LRRC71: variants seen among roughly 807,000 people sequenced by gnomAD.
LRRC71 encodes the protein leucine rich repeat containing 71, also known as leucine-rich repeat-containing protein 71.
In LRRC71, 54 loss-of-function variants were observed where a neutral mutation model predicts 66.6. The ratio of observed to expected loss-of-function variants is 0.81; its 90% CI spans 0.65 to 1.02. The LOEUF (loss-of-function observed/expected upper bound fraction) is 1.02, where lower values mean the gene tolerates loss of function less well. Among genes scored for constraint, LRRC71 ranks in the 50% least tolerant of loss-of-function variants. The pLI is 0.00. For missense variants in LRRC71, 724 were observed against 718.0 expected (o/e 1.01, Z -0.10); for synonymous variants, 323 against 303.9 (o/e 1.06, Z -0.65).
At chr1:156,927,455 A>C (rs758864677) in intron 6 of LRRC71, 41 bp from the exon 7 acceptor site, 10 of 1,521,490 alleles carry the variant, frequency 6.6e-6, no homozygotes, top group Non-Finnish European at 8.8e-7. Flanking sequence ...GACGCCCTGT[A>C]CCTTTTCCAG....
chr1:156,940,227 G>A, the LRRC71 span: 2 of 1,593,510 alleles, frequency 1.3e-6, no homozygotes, highest in African/African-American at 2.7e-5. Flanking sequence ...AGCGGAGTCA[G>A]CGAGCCCTTC....
At chr1:156,936,893 G>A, downstream of LRRC71, 1 of 1,614,144 alleles carries the variant, frequency 6.2e-7, no homozygotes, top group African/African-American at 1.3e-5. Flanking sequence ...AGGTGAGAGG[G>A]AGCCATCTGT....
the LRRC71 span, among the ~76,000 whole-genome samples, chr1:156,938,106 A>G: frequency 6.6e-6 from 1 of 152,076 alleles, no homozygotes; most frequent in Admixed American, 6.5e-5. Context: ...GGCTGCTTGC[A>G]TATCAGGTGA....
At chr1:156,930,835 C>G (rs776335267) in intron 12 of LRRC71, among the ~76,000 whole-genome samples, 1 of 152,226 alleles carries the variant, frequency 6.6e-6, no homozygotes, top group African/African-American at 2.4e-5. Context: ...AGAGCAGACC[C>G]CTTCTATTTT....
Position 156,932,463 on chromosome 1 carries a change from C to G in LRRC71, c.1481C>G (p.Ala494Gly), listed in dbSNP as rs370591006. The G allele has an allele frequency of 5.6e-6, 9 of 1,613,716 alleles. No individual in the cohort carries two copies. Among genetic ancestry groups the G allele is most frequent in the Non-Finnish European group, 6.8e-6 (8 of 1,179,874 alleles). ...ITEVGLEGFL[A>G]TVQYQMQFSK... ...GAGGTGGGGCTGGAGGGCTTCCTCG[C>G]CACGGTGCAGTATCAGATGCAGTTC... Residue 494 changes from alanine (A) to glycine (G), a missense_variant, in exon 14 of 15, where the codon GCC becomes GGC. By Grantham distance (60) the Ala-to-Gly change is moderately conservative. Coordinates refer to ENST00000337428, the MANE Select transcript of LRRC71 (RefSeq NM_144702.3).
Position 156,927,734 on chromosome 1 carries a change from G to A in LRRC71, c.824G>A (p.Gly275Asp). ...GDEGAGYIAD[G>D]LRLNRSLLWL... ...CACGCGTCCCTGCCCGCCTCTTAGG[G>A]CCTCCGGCTGAACCGTTCCCTGCTC... Residue 275 changes from glycine to aspartate, a missense_variant and splice_region_variant, in exon 8 of 15, where the codon GGC (glycine) becomes GAC (aspartate). Gly to Asp is a moderately conservative substitution (Grantham distance 94, BLOSUM62 -1). Coordinates refer to ENST00000337428, the MANE Select transcript of LRRC71 (RefSeq NM_144702.3). 1.2e-6 allele frequency: 2 copies of A among 1,609,022 alleles called. No homozygotes were observed. Among genetic ancestry groups the A allele is most frequent in the Middle Eastern group, 1.7e-4 (1 of 6,060 alleles).
the LRRC71 span, chr1:156,939,643 T>C: frequency 6.2e-7 from 1 of 1,613,914 alleles, no homozygotes; most frequent in Non-Finnish European, 8.5e-7. Context: ...TATCCCAGAA[T>C]TTCTGGTCCT....
intron 11 of LRRC71, 128 bp downstream of exon 11, chr1:156,929,857 C>A: frequency 2.8e-6 from 2 of 721,284 alleles, no homozygotes; most frequent in Non-Finnish European, 4.6e-6. Context: ...CCCCTCTGGG[C>A]TTGATTTCCT....
the LRRC71 span, chr1:156,939,934 C>A: frequency 6.3e-7 from 1 of 1,597,306 alleles, no homozygotes; most frequent in South Asian, 1.1e-5. Context: ...AGGGTGATGT[C>A]TTCCCAGCAT....
At chr1:156,927,704 C>T in intron 7 of LRRC71, 29 bp from the exon 8 acceptor site, 1 of 1,605,310 alleles carries the variant, frequency 6.2e-7, no homozygotes. Flanking sequence ...GCGGCTTGGG[C>T]GGCTCACGCG....
At chr1:156,925,751 G>A (rs1354220327) in intron 5 of LRRC71, among the ~76,000 whole-genome samples, 1 of 152,228 alleles carries the variant, frequency 6.6e-6, no homozygotes, top group African/African-American at 2.4e-5. Context: ...TGGCGGGGGG[G>A]TACCCCTCCA....
downstream of LRRC71, among the ~76,000 whole-genome samples, chr1:156,936,549 T>C (rs1655375555): frequency 7.7e-6 from 1 of 130,042 alleles, no homozygotes; most frequent in Non-Finnish European, 1.6e-5. Context: ...GAACAAGTCT[T>C]AGAGGTGAGA....
Position 156,931,964 on chromosome 1 carries a change from G to C in LRRC71, c.1378G>C (p.Glu460Gln), listed in dbSNP as rs760213755. ...EVVNPLLEPV[E>Q]HRDGKVFMPG... ...GGTCAACCCTCTCCTGGAGCCTGTG[G>C]AGCACCGAGATGGGAAAGTTTTCAT... The change falls in exon 13 of 15, where the codon GAG becomes CAG. Residue 460 changes from glutamate (E) to glutamine (Q), a missense_variant. Physicochemically the swap from Glu to Gln is conservative, Grantham distance 29. Coordinates refer to ENST00000337428, the MANE Select transcript of LRRC71 (RefSeq NM_144702.3). 1.9e-6 allele frequency: 3 copies of C among 1,600,946 alleles called. No homozygotes were observed. In the Middle Eastern group the frequency reaches 5.0e-4, roughly 265 times the overall value.
At chr1:156,921,066 C>T in intron 1 of LRRC71, 103 bp downstream of exon 1, 1 of 1,267,266 alleles carries the variant, frequency 7.9e-7, no homozygotes, top group South Asian at 2.0e-5. Flanking sequence ...CTCATACATA[C>T]CTACGTTGAG....
chr1:156,932,079 G>A (rs1174628783), intron 13 of LRRC71, 52 bp downstream of exon 13: 1 of 1,425,094 alleles, frequency 7.0e-7, no homozygotes, highest in Non-Finnish European at 9.7e-7. Flanking sequence ...CCCGGGCCCT[G>A]TCCTGCCTGA....
At chr1:156,937,128 G>C (rs1655584369), downstream of LRRC71, 1 of 1,568,096 alleles carries the variant, frequency 6.4e-7, no homozygotes, top group Admixed American at 1.8e-5. Context: ...CGGGCTGGGG[G>C]AAGATCCCTG....
intron 2 of LRRC71, 94 bp downstream of exon 2, chr1:156,924,192 G>A (rs1652829452): frequency 7.1e-7 from 1 of 1,414,660 alleles, no homozygotes; most frequent in South Asian, 1.3e-5. Flanking sequence ...GGGACGCGGG[G>A]CGGTGTGTGT....
At chr1:156,929,547 C>T in intron 10 of LRRC71, 89 bp from the exon 11 acceptor site, 1 of 1,539,256 alleles carries the variant, frequency 6.5e-7, no homozygotes, top group Admixed American at 2.0e-5. Context: ...CCCCCTAAGG[C>T]CCCGGGTCCT....
At chr1:156,929,502 G>A in intron 10 of LRRC71, 73 bp downstream of exon 10, 1 of 1,596,080 alleles carries the variant, frequency 6.3e-7, no homozygotes. Context: ...TACAGAGGTG[G>A]TGGAGGGAAG....
Sources: allele counts gnomAD v4.1 joint callset (sites outside exome capture counted in the v4.1 genomes callset), GRCh38; gene constraint gnomAD v4.1.1; transcripts MANE v1.5; gene names NCBI Gene and HGNC (gene_info 2026-07-23, HGNC 2026-07-21).